The following TMEM87A variants were observed in gnomAD, a reference collection of about 807,000 sequenced individuals.
TMEM87A encodes Golgi-pH regulating cation channel.
TMEM87A carries 50 observed loss-of-function variants against 90.0 expected under a neutral mutation model. The observed-to-expected ratio is 0.56, with a 90% CI of 0.44 to 0.70. The LOEUF (loss-of-function observed/expected upper bound fraction) is 0.70, where lower values mean the gene tolerates loss of function less well. Ranked by LOEUF, TMEM87A falls within the 30% of genes least tolerant of loss-of-function variation. TMEM87A has a pLI of 0.00. For missense variants in TMEM87A, 577 were observed against 660.5 expected, an observed-to-expected ratio of 0.87 and a Z score of 1.39; for synonymous variants, 226 against 226.7, an observed-to-expected ratio of 1.00 and a Z score of 0.03.
intron 1 of TMEM87A, 39 bp downstream of exon 1, chr15:42,273,216 G>C: frequency 6.2e-7 from 1 of 1,610,346 alleles, no homozygotes; most frequent in Non-Finnish European, 8.5e-7. Context: ...CCCACCCCTT[G>C]CTCCTCTAGG....
At chr15:42,269,913 G>A (rs1316108995) in intron 2 of TMEM87A, among the ~76,000 whole-genome samples, 3 of 133,788 alleles carry the variant, frequency 2.2e-5, no homozygotes, top group East Asian at 2.2e-4. Context: ...TCCGCAGTCC[G>A]GCCTGGGCGA....
chr15:42,256,746 G>T (rs1381476209), intron 6 of TMEM87A, among the ~76,000 whole-genome samples: 2 of 152,108 alleles, frequency 1.3e-5, no homozygotes, highest in Admixed American at 6.5e-5. Context: ...TTTTAGAGAC[G>T]AGGTATGGCT....
chr15:42,224,966 A>C (rs1440664016), intron 15 of TMEM87A, among the ~76,000 whole-genome samples: 1 of 152,246 alleles, frequency 6.6e-6, no homozygotes, highest in Non-Finnish European at 1.5e-5. Flanking sequence ...ATTTAAATAC[A>C]AATATAGCTA....
In TMEM87A at chr15:42,231,181, G is replaced by A. The variant is rs751144326; in HGVS notation, c.1131+11C>T. The A allele has an allele frequency of 3.1e-6, 5 of 1,593,992 alleles. No homozygotes were observed. Among genetic ancestry groups the A allele is most frequent in the South Asian group, 1.2e-5 (1 of 86,524 alleles). ...ATGGACCATCATCAAACAAGCCAAT[G>A]AGAAGGATATCCACCAGCACAAGGC... On this transcript the variant is annotated intron_variant, in intron 12 of 19. Coordinates refer to ENST00000389834, the MANE Select transcript of TMEM87A (RefSeq NM_015497.5).
At chr15:42,215,521 A>G (rs997877957) in intron 19 of TMEM87A, among the ~76,000 whole-genome samples, 1 of 152,176 alleles carries the variant, frequency 6.6e-6, no homozygotes, top group Admixed American at 6.5e-5. Flanking sequence ...TCCAAAATAT[A>G]TAAGAAACCC....
chr15:42,249,839 T>C (rs1371206679), intron 6 of TMEM87A, among the ~76,000 whole-genome samples: 2 of 152,232 alleles, frequency 1.3e-5, no homozygotes, highest in Non-Finnish European at 1.5e-5. Flanking sequence ...GTTAACCTTC[T>C]GTCTCATTGA....
rs1301230529 is a variant in TMEM87A, at chr15:42,264,169, T to C, written c.326A>G (p.Lys109Arg). Residue 109 changes from lysine to arginine, a missense_variant, in exon 4 of 20, where the codon AAG (lysine) becomes AGG (arginine). Coordinates refer to ENST00000389834, the MANE Select transcript of TMEM87A (RefSeq NM_015497.5). ...TTTCCCAGACAAGCCTCTTTTTTCCTTAAGTTTTTCCAAATACAACTCTAC... is the reference window on the plus strand; with the variant it reads ...TTTCCCAGACAAGCCTCTTTTTTCCCTAAGTTTTTCCAAATACAACTCTAC... ...EEVELYLEKL[K>R]EKRGLSGKYQ... 4 of 1,613,864 alleles carry C rather than the reference T, an allele frequency of 2.5e-6. No individual in the cohort carries two copies. The highest frequency in any genetic ancestry group is 1.1e-5 in the South Asian group (1 of 91,072).
chr15:42,224,816 T>C (rs2050559888), intron 15 of TMEM87A, among the ~76,000 whole-genome samples: 1 of 151,728 alleles, frequency 6.6e-6, no homozygotes, highest in Non-Finnish European at 1.5e-5. Flanking sequence ...ATTCCATACA[T>C]GAACAGGGAA....
intron 7 of TMEM87A, among the ~76,000 whole-genome samples, chr15:42,240,931 T>C (rs1271815291): frequency 6.6e-6 from 1 of 152,226 alleles, no homozygotes; most frequent in Non-Finnish European, 1.5e-5. Context: ...ATCATATTCT[T>C]TGCTTACTCT....
At chr15:42,233,394 G>T in intron 10 of TMEM87A, 88 bp from the exon 11 acceptor site, 1 of 941,900 alleles carries the variant, frequency 1.1e-6, no homozygotes, top group Non-Finnish European at 1.7e-6. Context: ...AATTAATATA[G>T]GCCAACAATT....
chr15:42,225,065 CTTTAT>C (rs2050565019), intron 15 of TMEM87A, among the ~76,000 whole-genome samples: 2 of 152,134 alleles, frequency 1.3e-5, no homozygotes, highest in Non-Finnish European at 2.9e-5. Context: ...TTCAGATCTC[CTTTAT>C]TTTCTTTCAT....
intron 2 of TMEM87A, among the ~76,000 whole-genome samples, chr15:42,270,487 T>G (rs887205436): frequency 6.6e-6 from 1 of 152,064 alleles, no homozygotes; most frequent in African/African-American, 2.4e-5. Context: ...TCCCAGCTAC[T>G]CGGGAGGCTG....
chr15:42,269,718 T>C (rs947374529), intron 2 of TMEM87A, among the ~76,000 whole-genome samples: 5 of 149,754 alleles, frequency 3.3e-5, no homozygotes, highest in Admixed American at 6.6e-5. Context: ...GGGTGGATCA[T>C]GAGGTCAGGA....
intron 6 of TMEM87A, among the ~76,000 whole-genome samples, chr15:42,256,910 G>T (rs552254977): frequency 5.9e-5 from 9 of 152,144 alleles, no homozygotes; most frequent in Admixed American, 1.3e-4. Flanking sequence ...TAGAGACGAG[G>T]TTTCACCATA....
At position 42,253,508 on chromosome 15, in the gene TMEM87A, A is replaced by C. The variant is rs149990081; in HGVS notation, c.504+7450T>G. ...GGGAACACTCTAAGTTGGGGAAAAC[A>C]AAGTTAAGTCCTGGCAAGGTTCCTT... On this transcript the variant is annotated intron_variant, in intron 6 of 19. Coordinates refer to ENST00000389834, the MANE Select transcript of TMEM87A (RefSeq NM_015497.5). Among the ~76,000 whole-genome samples, 368 of 152,310 alleles carry C rather than the reference A, an allele frequency of 2.4e-3. 2 individuals carry two copies. The highest frequency in any genetic ancestry group is 8.4e-3 in the African/African-American group (351 of 41,556).
intron 6 of TMEM87A, among the ~76,000 whole-genome samples, chr15:42,259,217 G>T (rs1269061932): frequency 6.6e-6 from 1 of 152,046 alleles, no homozygotes; most frequent in Non-Finnish European, 1.5e-5. Context: ...CCACCTTCTG[G>T]GTTCAAGTGA....
intron 1 of TMEM87A, 126 bp downstream of exon 1, chr15:42,273,129 A>G (rs1457078528): frequency 8.0e-7 from 1 of 1,250,392 alleles, no homozygotes; most frequent in Non-Finnish European, 1.1e-6. Context: ...GGCTAGCCAC[A>G]CAGACCATCC....
chr15:42,258,037 C>T (rs919080602), intron 6 of TMEM87A: 168 of 972,966 alleles, frequency 1.7e-4, no homozygotes, highest in Non-Finnish European at 1.9e-4. Flanking sequence ...GACTTAAAAG[C>T]AAATGTAGTT....
intron 7 of TMEM87A, among the ~76,000 whole-genome samples, chr15:42,243,014 C>A (rs1460348147): frequency 6.6e-6 from 1 of 152,084 alleles, no homozygotes; most frequent in Non-Finnish European, 1.5e-5. Flanking sequence ...CCCCTGTAAT[C>A]CCAGCACTTT....
Sources: allele counts gnomAD v4.1 joint callset (sites outside exome capture counted in the v4.1 genomes callset), GRCh38; gene constraint gnomAD v4.1.1; transcripts MANE v1.5; gene names NCBI Gene and HGNC (gene_info 2026-07-23, HGNC 2026-07-21).